The following OR4K14 variants were observed in gnomAD, a reference collection of about 807,000 sequenced individuals.
OR4K14 encodes olfactory receptor family 4 subfamily K member 14.
For synonymous variants in OR4K14, 153 were observed against 141.5 expected, an observed-to-expected ratio of 1.08 and a Z score of -0.58; for missense variants, 406 against 373.6, an observed-to-expected ratio of 1.09 and a Z score of -0.72.
intron 1 of OR4K14, among the ~76,000 whole-genome samples, chr14:20,017,942 A>G (rs1877131895): frequency 6.6e-6 from 1 of 152,030 alleles, no homozygotes; most frequent in Non-Finnish European, 1.5e-5. Context: ...TGAGCAATAA[A>G]CTGGAGTCTC....
intron 1 of OR4K14, among the ~76,000 whole-genome samples, chr14:20,016,217 G>A (rs1234077971): frequency 7.2e-6 from 1 of 139,696 alleles, no homozygotes; most frequent in East Asian, 2.2e-4. Flanking sequence ...ACCTAGCAAA[G>A]GCATGTTGAT....
At chr14:20,016,118 A>C (rs943466539) in intron 1 of OR4K14, among the ~76,000 whole-genome samples, 1 of 31,538 alleles carries the variant, frequency 3.2e-5, no homozygotes. Context: ...AATAATGTCA[A>C]CACGTAAGAC....
chr14:20,017,832 A>T (rs77580142), intron 1 of OR4K14, among the ~76,000 whole-genome samples: 3,510 of 152,174 alleles, frequency 0.023, 58 homozygotes, highest in Non-Finnish European at 0.033. Context: ...ACCATTACAC[A>T]TGATTGACTA....
rs1477889559 is a variant in OR4K14, at chr14:20,014,243, A to G, written c.*18T>C. Reference sequence around the variant, plus strand: ...TGCTGAATGAATAGAAACATCTAACACTATGGAAGGCTGGATTTCATTGAA... The same window carrying G: ...TGCTGAATGAATAGAAACATCTAACGCTATGGAAGGCTGGATTTCATTGAA... On this transcript the variant is annotated 3_prime_UTR_variant, in exon 2 of 2. Transcript: ENST00000641793. 6 of 1,504,874 alleles carry G rather than the reference A, an allele frequency of 4.0e-6. No homozygotes were observed. The East Asian group carries it at 1.4e-4, about 34-fold the overall frequency. 93.2% of individuals were successfully genotyped at this position (1,504,874 alleles called of 1,614,324 possible). A position where few individuals can be genotyped will look rare whatever the true frequency, so the allele number is the denominator to read the frequency against.
intron 1 of OR4K14, among the ~76,000 whole-genome samples, chr14:20,017,594 T>C (rs1474232817): frequency 6.6e-6 from 1 of 151,982 alleles, no homozygotes; most frequent in Non-Finnish European, 1.5e-5. Context: ...CTTTTAAAAA[T>C]ATTTTAAATT....
In OR4K14 at chr14:20,014,164, A is replaced by G; in HGVS notation, c.*97T>C. 1.3e-6 allele frequency: 1 copy of G among 742,638 alleles called. No homozygotes were observed. Among genetic ancestry groups the G allele is most frequent in the Non-Finnish European group, 2.2e-6 (1 of 456,948 alleles). The allele number at this position is 742,638 out of a possible 1,614,324, so 46.0% of individuals were successfully genotyped here. A position where few individuals can be genotyped will look rare whatever the true frequency, so the allele number is the denominator to read the frequency against. On this transcript the variant is annotated 3_prime_UTR_variant, in exon 2 of 2. Coordinates refer to ENST00000641793, the MANE Select transcript of OR4K14 (RefSeq NM_001004712.2). ...AATATAACACATTACAAATTATATCAATGTAGTGTCAGAATGAAATCTTTG... is the reference window on the plus strand; with the variant it reads ...AATATAACACATTACAAATTATATCGATGTAGTGTCAGAATGAAATCTTTG...
Position 20,015,157 on chromosome 14 carries a change from CAA to C in OR4K14, c.35_36del (p.Phe12CysfsTer30), listed in dbSNP as rs774677352. 3.1e-6 allele frequency: 5 copies of C among 1,611,956 alleles called. No individual in the cohort carries two copies. In the Admixed American group the frequency reaches 5.0e-5, roughly 16 times the overall value. On this transcript the variant is annotated frameshift_variant, in exon 2 of 2. Coordinates refer to ENST00000641793, the MANE Select transcript of OR4K14 (RefSeq NM_001004712.2). LOFTEE classifies it low-confidence loss of function (END_TRUNC). ...DPQNYSLVSE[F>X]VLHGLCTSRH... Reference sequence around the variant, plus strand: ...CGTGAAGTGCAGAGTCCATGCAACACAAATTCTGACACCAAGGAATAGTTCTG... The same window carrying C: ...CGTGAAGTGCAGAGTCCATGCAACACATTCTGACACCAAGGAATAGTTCTG...
At position 20,015,221 on chromosome 14, in the gene OR4K14, ATCTAAATAAAGAAAAAAATCCTG is replaced by A; in HGVS notation, c.-29-22_-29del. 1 of 1,447,002 alleles carries A rather than the reference ATCTAAATAAAGAAAAAAATCCTG, an allele frequency of 6.9e-7. No individual in the cohort carries two copies. The highest frequency in any genetic ancestry group is 9.4e-7 in the Non-Finnish European group (1 of 1,062,224). The allele number at this position is 1,447,002 out of a possible 1,614,324, so 89.6% of individuals were successfully genotyped here. A position where few individuals can be genotyped will look rare whatever the true frequency, so the allele number is the denominator to read the frequency against. ...CCTCAGGTTTCAGACTTTGTTTGTA[ATCTAAATAAAGAAAAAAATCCTG>A]TCATTTGCAGCAACACCTCAAGGAC... On this transcript the variant is annotated splice_acceptor_variant and splice_polypyrimidine_tract_variant and 5_prime_UTR_variant and intron_variant, in exon 2 of 2. Coordinates refer to ENST00000641793, the MANE Select transcript of OR4K14 (RefSeq NM_001004712.2). LOFTEE classifies it low-confidence loss of function (5UTR_SPLICE).
In OR4K14 at chr14:20,014,920, GT is replaced by G. The variant is rs1566525733; in HGVS notation, c.273del (p.Lys91AsnfsTer44). 1 of 1,614,194 alleles carries G rather than the reference GT, an allele frequency of 6.2e-7. No homozygotes were observed. Among genetic ancestry groups the G allele is most frequent in the Non-Finnish European group, 8.5e-7 (1 of 1,180,030 alleles). On this transcript the variant is annotated frameshift_variant, in exon 2 of 2. Transcript: ENST00000641793. LOFTEE classifies it low-confidence loss of function (END_TRUNC). ...GCCATACATCCTCCAAAGGAGATGA[GT>G]TTTTGATCACTAAGGAAATCCCTGA... ...KMIRDFLSDQ[K>X]LISFGGCMAQ...
At chr14:20,018,038 A>G (rs1326772217) in intron 1 of OR4K14, among the ~76,000 whole-genome samples, 1 of 152,018 alleles carries the variant, frequency 6.6e-6, no homozygotes, top group Non-Finnish European at 1.5e-5. Flanking sequence ...TACAAAAAAG[A>G]TGCAGGACTC....
intron 1 of OR4K14, among the ~76,000 whole-genome samples, chr14:20,017,199 A>G (rs1326921860): frequency 2.6e-5 from 4 of 152,002 alleles, no homozygotes; most frequent in Admixed American, 2.6e-4. Flanking sequence ...GGTTATCTCC[A>G]TAATACTTCC....
intron 1 of OR4K14, among the ~76,000 whole-genome samples, chr14:20,017,765 A>T (rs1877128186): frequency 6.6e-6 from 1 of 151,936 alleles, no homozygotes; most frequent in Non-Finnish European, 1.5e-5. Context: ...TATTTCCAAG[A>T]CCTCTCAACA....
rs536182010 is a variant in OR4K14 at position 20,014,617 on chromosome 14, T to C, written c.577A>G (p.Thr193Ala). 10 of 1,613,754 alleles carry C rather than the reference T, an allele frequency of 6.2e-6. No individual in the cohort carries two copies. The African/African-American group carries it at 8.0e-5, about 13-fold the overall frequency. Residue 193 changes from threonine to alanine, a missense_variant, in exon 2 of 2, where the codon ACC becomes GCC. Physicochemically the swap from Thr to Ala is moderately conservative, Grantham distance 58. Transcript: ENST00000641793. The stretch of plus-strand genomic sequence containing the variant: ...ATCATAATTATACCCAAGACATAGG[T>C]GTCCATGCAGGCAAGTTTGATCACC... Reference protein sequence around the residue: ...PLVIKLACMDTYVLGIIMISD... With the variant: ...PLVIKLACMDAYVLGIIMISD...
intron 1 of OR4K14, among the ~76,000 whole-genome samples, chr14:20,016,184 T>C (rs1594159266): frequency 6.8e-6 from 1 of 147,592 alleles, no homozygotes; most frequent in South Asian, 2.2e-4. Context: ...TCTCTCCATT[T>C]ACACACACAA....
chr14:20,014,192 C>A lies in OR4K14; in HGVS notation c.*69G>T. 5 of 970,018 alleles carry A rather than the reference C, an allele frequency of 5.2e-6. No homozygotes were observed. The highest frequency in any genetic ancestry group is 7.6e-6 in the Non-Finnish European group (5 of 656,732). The allele number at this position is 970,018 out of a possible 1,614,324, so 60.1% of individuals were successfully genotyped here. On this transcript the variant is annotated 3_prime_UTR_variant, in exon 2 of 2. Coordinates refer to ENST00000641793, the MANE Select transcript of OR4K14 (RefSeq NM_001004712.2). ...GTAGTGTCAGAATGAAATCTTTGAG[C>A]AGAATTATATTAAAGAAATTATATC... is the stretch of plus-strand genomic sequence containing the variant.
At chr14:20,016,391 A>G (rs541484430) in intron 1 of OR4K14, among the ~76,000 whole-genome samples, 9 of 152,082 alleles carry the variant, frequency 5.9e-5, no homozygotes, top group Admixed American at 5.9e-4. Flanking sequence ...TGATGTATAA[A>G]TACAGATGAG....
chr14:20,018,741 A>G (rs1877149059), intron 1 of OR4K14, among the ~76,000 whole-genome samples: 1 of 152,002 alleles, frequency 6.6e-6, no homozygotes, highest in Non-Finnish European at 1.5e-5. Flanking sequence ...AACTCTGTAA[A>G]TACACTAAAA....
intron 1 of OR4K14, among the ~76,000 whole-genome samples, chr14:20,015,647 T>A (rs908943804): frequency 1.3e-5 from 2 of 152,024 alleles, no homozygotes; most frequent in Admixed American, 6.6e-5. Context: ...TTTTCATTTA[T>A]CAATTAGAAA....
intron 1 of OR4K14, among the ~76,000 whole-genome samples, chr14:20,016,590 G>C (rs1216429979): frequency 6.6e-6 from 1 of 152,096 alleles, no homozygotes; most frequent in Non-Finnish European, 1.5e-5. Context: ...TGTGCTATCA[G>C]GGAGGACAGC....
Sources: gnomAD v4.1 joint callset for allele counts (sites outside exome capture counted in the v4.1 genomes callset) on GRCh38, gnomAD v4.1.1 for gene constraint, MANE v1.5 for transcripts, NCBI Gene and HGNC (gene_info 2026-07-23, HGNC 2026-07-21) for gene names.